The following NMNAT2 variants were observed in gnomAD, a reference collection of about 807,000 sequenced individuals.
NMNAT2 encodes the protein nicotinamide/nicotinic acid mononucleotide adenylyltransferase 2.
A neutral mutation model predicts 41.6 loss-of-function variants in NMNAT2; 11 were observed. The observed-to-expected ratio is 0.26, with a 90% CI of 0.17 to 0.44. The LOEUF is 0.44. NMNAT2 is among the 20% of genes least tolerant of loss of function. The pLI is 1.00. For missense variants in NMNAT2, 288 were observed against 407.7 expected, an observed-to-expected ratio of 0.71 and a Z score of 2.53; for synonymous variants, 148 against 151.2, an observed-to-expected ratio of 0.98 and a Z score of 0.16.
chr1:183,373,708 C>T (rs191401317), intron 1 of NMNAT2, among the ~76,000 whole-genome samples: 193 of 151,944 alleles, frequency 1.3e-3, no homozygotes, highest in Middle Eastern at 6.9e-3. Context: ...ACCTCCGCCT[C>T]CTGGGTTCAA....
chr1:183,256,766 TGTG>T (rs1295961977), intron 10 of NMNAT2, among the ~76,000 whole-genome samples: 3 of 152,170 alleles, frequency 2.0e-5, no homozygotes, highest in Non-Finnish European at 2.9e-5. Flanking sequence ...TTTCTTTTCT[TGTG>T]GTGTCTTTTT....
intron 1 of NMNAT2, among the ~76,000 whole-genome samples, chr1:183,417,294 C>T (rs906612634): frequency 6.6e-6 from 1 of 152,150 alleles, no homozygotes; most frequent in Admixed American, 6.5e-5. Context: ...GACTCCACGC[C>T]CCAAAGCTTC....
chr1:183,328,092 T>A (rs1052041915), intron 1 of NMNAT2, among the ~76,000 whole-genome samples: 1 of 152,152 alleles, frequency 6.6e-6, no homozygotes, highest in African/African-American at 2.4e-5. Flanking sequence ...ATAGGGGTCA[T>A]GGGAGGGAAC....
At chr1:183,342,299 T>C (rs1181449414) in intron 1 of NMNAT2, among the ~76,000 whole-genome samples, 1 of 152,174 alleles carries the variant, frequency 6.6e-6, no homozygotes, top group Non-Finnish European at 1.5e-5. Flanking sequence ...AAGACCAGCC[T>C]AGGCAACATA....
At chr1:183,290,420 A>G (rs895372776) in intron 3 of NMNAT2, among the ~76,000 whole-genome samples, 3 of 152,150 alleles carry the variant, frequency 2.0e-5, no homozygotes, top group African/African-American at 7.2e-5. Context: ...GCTTATGAGA[A>G]GAGATGCTGG....
At chr1:183,258,012 T>G (rs919329601) in intron 10 of NMNAT2, among the ~76,000 whole-genome samples, 2 of 152,224 alleles carry the variant, frequency 1.3e-5, no homozygotes, top group Non-Finnish European at 2.9e-5. Flanking sequence ...GAACTATCCT[T>G]AGTTTATCCT....
chr1:183,275,920 C>T (rs1390275067), intron 8 of NMNAT2, among the ~76,000 whole-genome samples: 1 of 152,188 alleles, frequency 6.6e-6, no homozygotes, highest in African/African-American at 2.4e-5. Context: ...GATCCATCTG[C>T]CTCGGCCTCC....
At chr1:183,297,973 T>G (rs986237829) in intron 1 of NMNAT2, among the ~76,000 whole-genome samples, 1 of 152,202 alleles carries the variant, frequency 6.6e-6, no homozygotes, top group East Asian at 1.9e-4. Context: ...TATCAATTGA[T>G]GCAGAAAAAG....
intron 1 of NMNAT2, among the ~76,000 whole-genome samples, chr1:183,378,241 A>G (rs2101914382): frequency 6.6e-6 from 1 of 152,284 alleles, no homozygotes; most frequent in African/African-American, 2.4e-5. Context: ...AAAATACAAA[A>G]AAATGAGCTG....
At chr1:183,375,583 C>G (rs888042966) in intron 1 of NMNAT2, among the ~76,000 whole-genome samples, 1 of 152,212 alleles carries the variant, frequency 6.6e-6, no homozygotes, top group Admixed American at 6.5e-5. Flanking sequence ...TTCCCCAAGT[C>G]AGCATTAATT....
chr1:183,382,630 A>G (rs1490391089), intron 1 of NMNAT2, among the ~76,000 whole-genome samples: 2 of 152,230 alleles, frequency 1.3e-5, no homozygotes. Context: ...CATTCCAAAA[A>G]GGAGAAATCA....
At chr1:183,314,069 T>C (rs1440797201) in intron 1 of NMNAT2, among the ~76,000 whole-genome samples, 1 of 152,188 alleles carries the variant, frequency 6.6e-6, no homozygotes, top group Admixed American at 6.5e-5. Flanking sequence ...GAAGCAGTCT[T>C]CAGTGTCTGC....
chr1:183,261,488 T>C (rs1421708528), intron 8 of NMNAT2, among the ~76,000 whole-genome samples, 185 bp from the exon 9 acceptor site: 1 of 152,124 alleles, frequency 6.6e-6, no homozygotes, highest in Non-Finnish European at 1.5e-5. Flanking sequence ...ACAGTGTTAA[T>C]AGAATAAGTG....
rs543867193 is a variant in NMNAT2 at position 183,380,115 on chromosome 1, G to A, written c.85+38068C>T. Among the ~76,000 whole-genome samples the A allele has an allele frequency of 1.6e-4, 25 of 152,290 alleles. No individual in the cohort carries two copies. The South Asian group carries it at 5.2e-3, about 32-fold the overall frequency. ...TTACATCACAGCGTTCTCTTCATAA[G>A]GGCTCATGAGAGAGATTTTGTTCAG... is the stretch of plus-strand genomic sequence containing the variant. On this transcript the variant is annotated intron_variant, in intron 1 of 10. Coordinates refer to ENST00000287713, the MANE Select transcript of NMNAT2 (RefSeq NM_015039.4).
intron 1 of NMNAT2, among the ~76,000 whole-genome samples, chr1:183,396,149 C>T (rs1278538962): frequency 6.6e-6 from 1 of 152,134 alleles, no homozygotes; most frequent in Non-Finnish European, 1.5e-5. Context: ...ACTTGGTAGA[C>T]ATAAGTGCCA....
chr1:183,399,996 C>A (rs1015871426), intron 1 of NMNAT2, among the ~76,000 whole-genome samples: 1 of 152,266 alleles, frequency 6.6e-6, no homozygotes, highest in South Asian at 2.1e-4. Flanking sequence ...CCTTTGAAAA[C>A]TGGCACAAGA....
At chr1:183,409,454 C>A (rs1345008326) in intron 1 of NMNAT2, among the ~76,000 whole-genome samples, 3 of 152,018 alleles carry the variant, frequency 2.0e-5, no homozygotes, top group Non-Finnish European at 4.4e-5. Flanking sequence ...GTAGCTGGGA[C>A]TGCAGATGCA....
At chr1:183,283,038 A>G (rs1055109180) in intron 7 of NMNAT2, 1 of 152,216 alleles carries the variant, frequency 6.6e-6, no homozygotes, top group Non-Finnish European at 1.5e-5. Flanking sequence ...CTCAGATGAG[A>G]GGATGAGACC....
chr1:183,260,875 C>A, intron 10 of NMNAT2, 127 bp downstream of exon 10: 28 of 643,824 alleles, frequency 4.3e-5, no homozygotes, highest in South Asian at 6.9e-5. Flanking sequence ...GAGGTCCAAA[C>A]AGGAAGCTAA....
Sources: allele counts gnomAD v4.1 joint callset (sites outside exome capture counted in the v4.1 genomes callset), GRCh38; gene constraint gnomAD v4.1.1; transcripts MANE v1.5; gene names NCBI Gene and HGNC (gene_info 2026-07-23, HGNC 2026-07-21).